DNASE1: variants seen among roughly 807,000 people sequenced by gnomAD.
DNASE1 encodes deoxyribonuclease-1.
A neutral mutation model predicts 33.9 loss-of-function variants in DNASE1; 40 were observed. The ratio of observed to expected loss-of-function variants is 1.18; its 90% CI spans 0.92 to 1.54. The LOEUF is 1.54. Ranked by LOEUF, DNASE1 falls within the 40% of genes most tolerant of loss-of-function variation. The pLI, the probability that DNASE1 is intolerant of heterozygous loss-of-function variation, is 0.00. For missense variants in DNASE1, 518 were observed against 372.6 expected, an observed-to-expected ratio of 1.39 and a Z score of -3.21; for synonymous variants, 216 against 160.0, an observed-to-expected ratio of 1.35 and a Z score of -2.64.
In DNASE1 at chr16:3,622,226, A is replaced by AC. The variant is rs1225764114; in HGVS notation, c.-1359+10220_-1359+10221insC. Among the ~76,000 whole-genome samples the AC allele has an allele frequency of 2.6e-5, 4 of 151,976 alleles. No homozygotes were observed. In the East Asian group the frequency reaches 5.8e-4, roughly 22 times the overall value. ...CAGAGCAAGACTGAAAAAAAAAAAAAAAAAAACGGAGGCTGAATCAGTTTC... is the reference window on the plus strand; with the variant it reads ...CAGAGCAAGACTGAAAAAAAAAAAAACAAAAAACGGAGGCTGAATCAGTTTC... On this transcript the variant is annotated intron_variant and NMD_transcript_variant, in intron 1 of 11. Coordinates refer to the DNASE1 transcript ENST00000570769.
Position 3,656,686 on chromosome 16 carries a change from C to T in DNASE1, c.369C>T (p.Cys123=), listed in dbSNP as rs147083287. The part of the protein sequence containing the change: ...AVDSYYYDDG[C]EPCGNDTFNR... ...ACAGCTACTACTACGATGATGGCTG[C>T]GAGCCCTGCGGGAACGACACCTTCA... The change falls in exon 5 of 9, where the codon TGC becomes TGT. Residue 123 remains cysteine, a synonymous_variant. Transcript: ENST00000246949. The T allele has an allele frequency of 2.1e-4, 337 of 1,613,142 alleles. 1 individual carries two copies. Among genetic ancestry groups the T allele is most frequent in the Middle Eastern group, 3.3e-4 (2 of 6,080 alleles).
chr16:3,640,474 G>A (rs1285577750), upstream of DNASE1, among the ~76,000 whole-genome samples: 1 of 152,228 alleles, frequency 6.6e-6, no homozygotes, highest in Non-Finnish European at 1.5e-5. Flanking sequence ...GCAGTCATAG[G>A]ATGTGCTCTC....
chr16:3,631,826 G>T (rs1337481900), intron 1 of DNASE1, among the ~76,000 whole-genome samples: 1 of 152,140 alleles, frequency 6.6e-6, no homozygotes, highest in African/African-American at 2.4e-5. Context: ...CCCGGCCATG[G>T]ATTTTAAAAT....
At chr16:3,650,137 C>T (rs750722621), upstream of DNASE1, among the ~76,000 whole-genome samples, 2 of 152,070 alleles carry the variant, frequency 1.3e-5, no homozygotes, top group Non-Finnish European at 2.9e-5. Context: ...TACTATATGT[C>T]TTTTAAATTA....
intron 1 of DNASE1, among the ~76,000 whole-genome samples, chr16:3,616,363 G>A (rs1360817397): frequency 6.6e-6 from 1 of 152,262 alleles, no homozygotes; most frequent in Non-Finnish European, 1.5e-5. Flanking sequence ...GCTCACGCCT[G>A]TAATCCCGGC....
At chr16:3,645,113 G>A (rs1052552035) in intron 1 of DNASE1, among the ~76,000 whole-genome samples, 1 of 152,134 alleles carries the variant, frequency 6.6e-6, no homozygotes, top group African/African-American at 2.4e-5. Flanking sequence ...GGGTGACAGA[G>A]TGAGAGACCC....
intron 1 of DNASE1, among the ~76,000 whole-genome samples, chr16:3,629,362 A>G (rs1259810930): frequency 6.6e-6 from 1 of 152,096 alleles, no homozygotes; most frequent in Admixed American, 6.6e-5. Flanking sequence ...TATGTTTCCC[A>G]TTATTCCATT....
chr16:3,649,923 G>A (rs1220138070), upstream of DNASE1, among the ~76,000 whole-genome samples: 2 of 151,234 alleles, frequency 1.3e-5, no homozygotes, highest in African/African-American at 4.9e-5. Context: ...CCAACTTCTA[G>A]TTGATAAAAA....
At chr16:3,625,323 A>C (rs1365698870) in intron 1 of DNASE1, among the ~76,000 whole-genome samples, 1 of 151,826 alleles carries the variant, frequency 6.6e-6, no homozygotes, top group Non-Finnish European at 1.5e-5. Context: ...AAAAACAATA[A>C]AACAAACTAA....
In DNASE1 at chr16:3,657,887, T is replaced by C. The variant is rs1428179495; in HGVS notation, c.802-19T>C. On this transcript the variant is annotated intron_variant, in intron 8 of 8. Transcript: ENST00000246949. ...GCTCAGGTAGGCTCAGCCCAGACCC[T>C]GTGCCCACTTGCCTGCAGGCCCAAG... The C allele has an allele frequency of 2.5e-6, 4 of 1,614,002 alleles. No individual in the cohort carries two copies. Among genetic ancestry groups the C allele is most frequent in the Non-Finnish European group, 3.4e-6 (4 of 1,180,006 alleles).
chr16:3,658,012 C>G lies in DNASE1; in HGVS notation c.*59C>G. On this transcript the variant is annotated 3_prime_UTR_variant, in exon 9 of 9. Transcript: ENST00000246949. ...AGAGAGGACCCATCCTGCCACAGGA[C>G]CCAGAAAAAAAGCCCAACACACACT... 1.9e-6 allele frequency: 3 copies of G among 1,611,756 alleles called. No individual in the cohort carries two copies. The South Asian group carries it at 3.3e-5, about 18-fold the overall frequency.
At chr16:3,632,426 C>T (rs1274478118) in intron 1 of DNASE1, among the ~76,000 whole-genome samples, 1 of 152,176 alleles carries the variant, frequency 6.6e-6, no homozygotes, top group Non-Finnish European at 1.5e-5. Flanking sequence ...TTTGTTACCT[C>T]ATCTTAGAGA....
chr16:3,640,937 C>T (rs1297782998), upstream of DNASE1: 5 of 398,696 alleles, frequency 1.3e-5, no homozygotes, highest in Middle Eastern at 6.3e-4. Context: ...TGTCCTGTCT[C>T]GATGGCTCCA....
At chr16:3,620,910 C>T (rs911290277) in intron 1 of DNASE1, among the ~76,000 whole-genome samples, 1 of 152,104 alleles carries the variant, frequency 6.6e-6, no homozygotes, top group South Asian at 2.1e-4. Flanking sequence ...AAGCGATTCT[C>T]CTGCCTCAGC....
At chr16:3,635,206 C>G (rs1596592820) in intron 1 of DNASE1, among the ~76,000 whole-genome samples, 1 of 151,952 alleles carries the variant, frequency 6.6e-6, no homozygotes, top group East Asian at 1.9e-4. Flanking sequence ...GCCTGTAATC[C>G]CAGCACTTTG....
At chr16:3,636,459 G>A (rs1030858377) in intron 1 of DNASE1, among the ~76,000 whole-genome samples, 3 of 152,140 alleles carry the variant, frequency 2.0e-5, no homozygotes, top group African/African-American at 7.2e-5. Flanking sequence ...TCTCTTCAAA[G>A]TCTGCTTTTT....
intron 1 of DNASE1, among the ~76,000 whole-genome samples, chr16:3,614,542 A>G (rs2041031915): frequency 6.6e-6 from 1 of 152,130 alleles, no homozygotes; most frequent in Non-Finnish European, 1.5e-5. Context: ...GGATAATTTA[A>G]ATAATTCCAT....
intron 1 of DNASE1, among the ~76,000 whole-genome samples, chr16:3,628,745 G>T (rs1297318105): frequency 2.0e-5 from 3 of 150,612 alleles, no homozygotes; most frequent in Non-Finnish European, 3.0e-5. Flanking sequence ...ATTTTTAGTA[G>T]AGACGGGGTT....
exon 10 of DNASE1, chr16:3,665,184 G>C (rs1230598071): frequency 6.6e-6 from 1 of 152,212 alleles, no homozygotes; most frequent in East Asian, 1.9e-4. Context: ...AGATAAAGGA[G>C]AATGAAGAGG....
Sources: gnomAD v4.1 joint callset for allele counts (sites outside exome capture counted in the v4.1 genomes callset) on GRCh38, gnomAD v4.1.1 for gene constraint, MANE v1.5 for transcripts, NCBI Gene and HGNC (gene_info 2026-07-23, HGNC 2026-07-21) for gene names.